Variants in ALK observed in about 807,000 individuals in gnomAD.
ALK encodes the protein ALK tyrosine kinase receptor.
Under a neutral mutation model 163.1 loss-of-function variants are expected in ALK, and 74 were observed. The ratio of observed to expected loss-of-function variants is 0.45; its 90% confidence interval spans 0.38 to 0.55. The LOEUF (loss-of-function observed/expected upper bound fraction) is 0.55. Among genes scored for constraint, ALK ranks in the 20% least tolerant of loss-of-function variants. The probability of loss-of-function intolerance (pLI) is 0.00; values close to 1 mark genes in which losing one functional copy is unlikely to be tolerated. For missense variants in ALK, 2,063 were observed against 2,105.3 expected, an observed-to-expected ratio of 0.98 and a Z score of 0.39; for synonymous variants, 960 against 843.2, an observed-to-expected ratio of 1.14 and a Z score of -2.40.
At chr2:29,864,191 G>T (rs574704929) in intron 1 of ALK, among the ~76,000 whole-genome samples, 1 of 152,154 alleles carries the variant, frequency 6.6e-6, no homozygotes, top group Non-Finnish European at 1.5e-5. Context: ...CTGTGCTCTT[G>T]TCCCTGGCTA....
chr2:29,889,630 C>T (rs1373465098), intron 1 of ALK, among the ~76,000 whole-genome samples: 1 of 150,566 alleles, frequency 6.6e-6, no homozygotes, highest in Admixed American at 6.7e-5. Context: ...CTGGGTCTGG[C>T]CATGCACAGA....
chr2:29,908,123 G>A (rs1455814558), intron 1 of ALK, among the ~76,000 whole-genome samples: 3 of 152,180 alleles, frequency 2.0e-5, no homozygotes, highest in Non-Finnish European at 4.4e-5. Context: ...TCAACACGCA[G>A]TCAAAATGCA....
At chr2:29,697,425 C>A (rs1678600197) in intron 2 of ALK, among the ~76,000 whole-genome samples, 1 of 152,162 alleles carries the variant, frequency 6.6e-6, no homozygotes, top group Non-Finnish European at 1.5e-5. Flanking sequence ...CTCTTTCTGT[C>A]CAATGATTCC....
chr2:29,234,262 G>T (rs1316172544), intron 13 of ALK, among the ~76,000 whole-genome samples: 1 of 152,170 alleles, frequency 6.6e-6, no homozygotes. Context: ...TAGGTGGGTA[G>T]AGAGAATTAA....
chr2:29,657,815 G>C (rs1175465076), intron 3 of ALK, among the ~76,000 whole-genome samples: 2 of 152,128 alleles, frequency 1.3e-5, no homozygotes, highest in African/African-American at 4.8e-5. Flanking sequence ...AGGTTATTCT[G>C]GTTACAAAGG....
chr2:29,291,098 C>T, intron 9 of ALK, among the ~76,000 whole-genome samples: 1 of 152,178 alleles, frequency 6.6e-6, no homozygotes, highest in East Asian at 1.9e-4. Context: ...TGCGATGGCT[C>T]CTGCCTGTTA....
intron 3 of ALK, among the ~76,000 whole-genome samples, chr2:29,559,399 G>A (rs1288494538): frequency 6.6e-6 from 1 of 152,206 alleles, no homozygotes; most frequent in African/African-American, 2.4e-5. Flanking sequence ...GCCCAGCAGA[G>A]GCGTATGGGC....
intron 3 of ALK, among the ~76,000 whole-genome samples, chr2:29,615,034 G>C (rs1675801116): frequency 1.3e-5 from 2 of 151,972 alleles, no homozygotes; most frequent in Admixed American, 1.3e-4. Context: ...GCCCAGGCTG[G>C]TCTTGAACTC....
intron 3 of ALK, among the ~76,000 whole-genome samples, chr2:29,627,590 G>A (rs1028305913): frequency 3.3e-5 from 5 of 152,130 alleles, no homozygotes; most frequent in Admixed American, 1.3e-4. Flanking sequence ...CTGAGACCCC[G>A]GCAGGAGACA....
At chr2:29,648,325 T>C (rs755326641) in intron 3 of ALK, among the ~76,000 whole-genome samples, 1 of 152,160 alleles carries the variant, frequency 6.6e-6, no homozygotes, top group Non-Finnish European at 1.5e-5. Flanking sequence ...TTTCTTTTTT[T>C]AAAAAATTGT....
intron 1 of ALK, among the ~76,000 whole-genome samples, chr2:29,806,860 G>A (rs1170829563): frequency 6.6e-6 from 1 of 152,228 alleles, no homozygotes; most frequent in Non-Finnish European, 1.5e-5. Context: ...TCTTAGGTTA[G>A]ATGGTGGTAA....
chr2:29,503,762 G>C (rs962848285), intron 4 of ALK, among the ~76,000 whole-genome samples: 1 of 152,044 alleles, frequency 6.6e-6, no homozygotes, highest in African/African-American at 2.4e-5. Flanking sequence ...AAGGAACACT[G>C]GAGAAGCAGC....
intron 3 of ALK, among the ~76,000 whole-genome samples, chr2:29,628,812 A>T (rs1676272313): frequency 6.6e-6 from 1 of 152,226 alleles, no homozygotes. Flanking sequence ...TCAAAGATAG[A>T]CAACTCTGTA....
chr2:29,798,136 T>G (rs1362910656), intron 1 of ALK, among the ~76,000 whole-genome samples: 1 of 152,190 alleles, frequency 6.6e-6, no homozygotes, highest in Non-Finnish European at 1.5e-5. Context: ...CTTCATTACA[T>G]CAGCTAATAA....
intron 4 of ALK, among the ~76,000 whole-genome samples, chr2:29,485,691 C>G (rs1337043457): frequency 6.6e-6 from 1 of 152,148 alleles, no homozygotes; most frequent in Non-Finnish European, 1.5e-5. Flanking sequence ...ACAGGTCCTC[C>G]CCTTCCCCAG....
intron 26 of ALK, among the ~76,000 whole-genome samples, chr2:29,202,681 C>A (rs891989151): frequency 1.3e-5 from 2 of 152,204 alleles, no homozygotes; most frequent in African/African-American, 4.8e-5. Flanking sequence ...CCACTGAACA[C>A]TGTTTTTGAG....
intron 1 of ALK, among the ~76,000 whole-genome samples, chr2:29,744,310 T>G (rs1651733786): frequency 6.6e-6 from 1 of 152,168 alleles, no homozygotes; most frequent in South Asian, 2.1e-4. Context: ...GGAGAGACAC[T>G]ATGGCAGGGG....
At chr2:29,197,483 A>AT in intron 27 of ALK, 59 bp downstream of exon 27, 2 of 1,606,918 alleles carry the variant, frequency 1.2e-6, no homozygotes, top group Non-Finnish European at 1.7e-6. Context: ...GGCTCTGGAT[A>AT]TTTTTTGAAA....
At chr2:29,580,069 A>G (rs1674635874) in intron 3 of ALK, among the ~76,000 whole-genome samples, 2 of 152,138 alleles carry the variant, frequency 1.3e-5, no homozygotes, top group South Asian at 4.1e-4. Context: ...TGGCTCTGAG[A>G]CCCAGCACAG....
Sources: gnomAD v4.1 joint callset for allele counts (sites outside exome capture counted in the v4.1 genomes callset) on GRCh38, gnomAD v4.1.1 for gene constraint, MANE v1.5 for transcripts, NCBI Gene and HGNC (gene_info 2026-07-23, HGNC 2026-07-21) for gene names.